TBCE: variants seen among roughly 807,000 people sequenced by gnomAD.
The protein encoded by TBCE is tubulin-specific chaperone E.
TBCE carries 53 observed loss-of-function variants against 77.0 expected under a neutral mutation model. That is an observed-to-expected ratio of 0.69 (90% CI 0.55 to 0.87). TBCE has a LOEUF of 0.87. TBCE is among the 40% of genes least tolerant of loss of function. The pLI, the probability that TBCE is intolerant of heterozygous loss-of-function variation, is 0.00. For synonymous variants in TBCE, 235 were observed against 241.3 expected (o/e 0.97, Z 0.24); for missense variants, 624 against 622.4 (o/e 1.00, Z -0.03).
chr1:235,434,109 G>GT, intron 7 of TBCE, 95 bp from the exon 8 acceptor site: 1 of 1,104,012 alleles, frequency 9.1e-7, no homozygotes, highest in Non-Finnish European at 1.4e-6. Flanking sequence ...TGCTGAAACA[G>GT]TAACTGAGCT....
Position 235,410,361 on chromosome 1 carries a change from G to A in TBCE, c.186-4072G>A, listed in dbSNP as rs558046608. 3.8e-4 allele frequency among the ~76,000 whole-genome samples: 58 copies of A among 152,264 alleles called. No homozygotes were observed. The South Asian group carries it at 0.01, about 27-fold the overall frequency. ...TTCTTGAGTATATGCTAAACAAGGG[G>A]TGGATTATTCATGCCTCCCCTTTTA... On this transcript the variant is annotated intron_variant, in intron 3 of 16. Coordinates refer to ENST00000642610, the MANE Select transcript of TBCE (RefSeq NM_003193.5).
intron 2 of TBCE, among the ~76,000 whole-genome samples, chr1:235,392,432 C>T (rs1290196315): frequency 6.7e-5 from 8 of 120,062 alleles, no homozygotes; most frequent in African/African-American, 2.5e-4. Context: ...TTTTTTTAGA[C>T]AGAGTCTCGC....
In TBCE at chr1:235,450,063, G is replaced by A. The variant is rs756012240; in HGVS notation, c.*1301G>A. ...ATTTGTGCAAACATTAAGAAACACC[G>A]CATTGGTTCTGGGTGAAAGTGCCAG... On this transcript the variant is annotated 3_prime_UTR_variant, in exon 17 of 17. Transcript: ENST00000642610. The A allele has an allele frequency of 2.4e-5, 23 of 940,664 alleles. No individual in the cohort carries two copies. The highest frequency in any genetic ancestry group is 9.7e-5 in the Admixed American group (4 of 41,084). The allele number at this position is 940,664 out of a possible 1,614,324, so 58.3% of individuals were successfully genotyped here. A position where few individuals can be genotyped will look rare whatever the true frequency, so the allele number is the denominator to read the frequency against.
intron 7 of TBCE, chr1:235,433,466 T>C (rs116288268): frequency 0.022 from 3,406 of 154,308 alleles, 135 homozygotes; most frequent in African/African-American, 0.077. Context: ...AAGCATTCTG[T>C]CTGCCTCAGC....
At chr1:235,447,644 C>T (rs1237638111) in intron 15 of TBCE, among the ~76,000 whole-genome samples, 5 of 152,180 alleles carry the variant, frequency 3.3e-5, no homozygotes, top group African/African-American at 9.7e-5. Flanking sequence ...ACCTGAGTCC[C>T]ATTCCAGTGT....
At position 235,442,845 on chromosome 1, in the gene TBCE, C is replaced by T; in HGVS notation, c.1340-7C>T. 6.2e-7 allele frequency: 1 copy of T among 1,613,710 alleles called. No individual in the cohort carries two copies. On this transcript the variant is annotated splice_region_variant and splice_polypyrimidine_tract_variant and intron_variant, in intron 14 of 16. Transcript: ENST00000642610. ...TCAATTAGTCTTTTTCTTTGTTTCT[C>T]TTAAAGCACTGAAGATAAAATACCC...
intron 1 of TBCE, among the ~76,000 whole-genome samples, chr1:235,369,226 C>T (rs1003675373): frequency 9.2e-5 from 14 of 151,982 alleles, no homozygotes; most frequent in Non-Finnish European, 1.6e-4. Flanking sequence ...AAGCCAAAGT[C>T]GGCCGGGCGT....
At chr1:235,439,445 G>C (rs868183076) in intron 13 of TBCE, among the ~76,000 whole-genome samples, 3 of 150,126 alleles carry the variant, frequency 2.0e-5, no homozygotes, top group Non-Finnish European at 4.5e-5. Flanking sequence ...GCAGTGAGCC[G>C]AGATCACACC....
intron 3 of TBCE, among the ~76,000 whole-genome samples, chr1:235,402,883 G>A (rs935729482): frequency 2.6e-5 from 4 of 151,922 alleles, no homozygotes; most frequent in Admixed American, 6.6e-5. Flanking sequence ...CTCCCACCTC[G>A]GCTTCTCAAA....
intron 1 of TBCE, among the ~76,000 whole-genome samples, chr1:235,375,570 A>G (rs774211265): frequency 6.6e-6 from 1 of 152,148 alleles, no homozygotes; most frequent in Non-Finnish European, 1.5e-5. Context: ...AGCATCAAGT[A>G]GGTCTAACAT....
chr1:235,367,740 T>A (rs563576917), intron 1 of TBCE, among the ~76,000 whole-genome samples: 1 of 152,334 alleles, frequency 6.6e-6, no homozygotes, highest in East Asian at 1.9e-4. Flanking sequence ...TTTAAGCTTC[T>A]CTCAGAGAAT....
chr1:235,448,633 T>G (rs2102958158), intron 16 of TBCE, 37 bp from the exon 17 acceptor site: 1 of 1,565,530 alleles, frequency 6.4e-7, no homozygotes, highest in African/African-American at 1.4e-5. Flanking sequence ...CGGATCTGTC[T>G]TAATCACATC....
At chr1:235,402,631 G>A (rs1416245586) in intron 3 of TBCE, among the ~76,000 whole-genome samples, 4 of 151,884 alleles carry the variant, frequency 2.6e-5, no homozygotes, top group African/African-American at 9.7e-5. Flanking sequence ...TTGTTTGGTT[G>A]GTTTATTTGT....
At chr1:235,392,016 G>A (rs1342128026) in intron 2 of TBCE, among the ~76,000 whole-genome samples, 2 of 151,934 alleles carry the variant, frequency 1.3e-5, no homozygotes, top group Non-Finnish European at 2.9e-5. Context: ...TTACAAAACT[G>A]TACAGTTTAA....
intron 2 of TBCE, among the ~76,000 whole-genome samples, chr1:235,394,820 G>A (rs1455092660): frequency 3.3e-5 from 5 of 151,962 alleles, no homozygotes; most frequent in East Asian, 3.9e-4. Flanking sequence ...CCAAGTGATC[G>A]TCCCACCTCA....
At position 235,435,832 on chromosome 1, in the gene TBCE, C is replaced by T. The variant is rs185801847; in HGVS notation, c.825C>T (p.His275=). 6.2e-6 allele frequency: 10 copies of T among 1,614,044 alleles called. No individual in the cohort carries two copies. In the South Asian group the frequency reaches 9.9e-5, roughly 16 times the overall value. Residue 275 remains histidine (H), a synonymous_variant, in exon 9 of 17, where the codon CAC becomes CAT. Transcript: ENST00000642610. ...IDENQLYLIA[H]LPRLEQLILS... is the part of the protein sequence containing the mutation. ...AAAATCAGCTGTATCTGATAGCCCA[C>T]CTGCCCAGGTAATTTGCCCCTAAAT...
intron 5 of TBCE, among the ~76,000 whole-genome samples, chr1:235,423,982 C>T (rs1680556807): frequency 6.6e-6 from 1 of 152,180 alleles, no homozygotes; most frequent in African/African-American, 2.4e-5. Context: ...TAATTGGTTC[C>T]TGCCTAAAAT....
chr1:235,386,584 A>G (rs1678020535), intron 2 of TBCE, among the ~76,000 whole-genome samples: 1 of 152,062 alleles, frequency 6.6e-6, no homozygotes, highest in African/African-American at 2.4e-5. Context: ...CTTCCAGTTG[A>G]TTGCATCAGC....
rs1680766298 is a variant in TBCE at position 235,427,122 on chromosome 1, C to G, written c.461-18C>G. On this transcript the variant is annotated intron_variant, in intron 5 of 16. Transcript: ENST00000642610. ...TGTGAATCTTTTGAAATTACTGTTT[C>G]TTAACATGTGCTTTTAGATATCAGA... 1 of 1,540,028 alleles carries G rather than the reference C, an allele frequency of 6.5e-7. No homozygotes were observed. The highest frequency in any genetic ancestry group is 1.1e-5 in the South Asian group (1 of 89,590).
Sources: allele counts gnomAD v4.1 joint callset (sites outside exome capture counted in the v4.1 genomes callset), GRCh38; gene constraint gnomAD v4.1.1; transcripts MANE v1.5; gene names NCBI Gene and HGNC (gene_info 2026-07-23, HGNC 2026-07-21).